The following BACE2 variants were observed in gnomAD, a reference collection of about 807,000 sequenced individuals.
BACE2 encodes 56 kDa aspartic-like protease.
BACE2 carries 17 observed loss-of-function variants against 46.2 expected under a neutral mutation model. That is an observed-to-expected ratio of 0.37 (90% CI 0.25 to 0.55). The LOEUF is 0.55. Ranked by LOEUF, BACE2 falls within the 20% of genes least tolerant of loss-of-function variation. The pLI, the probability that BACE2 is intolerant of heterozygous loss-of-function variation, is 0.82. For missense variants in BACE2, 595 were observed against 698.1 expected (o/e 0.85, Z 1.66); for synonymous variants, 277 against 295.9 (o/e 0.94, Z 0.66).
At chr21:41,243,270 C>A in intron 4 of BACE2, 106 bp from the exon 5 acceptor site, 1 of 909,004 alleles carries the variant, frequency 1.1e-6, no homozygotes, top group African/African-American at 1.8e-5. Context: ...AAGTAGAAGC[C>A]CTGATTGCAG....
At chr21:41,229,037 A>T (rs1308118123) in intron 2 of BACE2, among the ~76,000 whole-genome samples, 1 of 152,216 alleles carries the variant, frequency 6.6e-6, no homozygotes, top group Non-Finnish European at 1.5e-5. Context: ...TTCATTTTGC[A>T]TGACTGCCCT....
At chr21:41,200,121 A>G (rs552944376) in intron 1 of BACE2, among the ~76,000 whole-genome samples, 4 of 151,940 alleles carry the variant, frequency 2.6e-5, no homozygotes, top group East Asian at 1.9e-4. Flanking sequence ...GCACACCAAC[A>G]TGGCACATGT....
chr21:41,275,462 G>A lies in BACE2; in HGVS notation c.1395G>A (p.Glu465=), dbSNP rs2088475641. Residue 465 remains glutamate (E), a synonymous_variant, in exon 9 of 9, where the codon GAG becomes GAA. Coordinates refer to ENST00000330333, the MANE Select transcript of BACE2 (RefSeq NM_012105.5). ...GTGTCCCCGCTCAGTCTTTGAGCGAGCCCATTTTGTGGATTGTGTCCTATG... is the reference window on the plus strand; with the variant it reads ...GTGTCCCCGCTCAGTCTTTGAGCGAACCCATTTTGTGGATTGTGTCCTATG... ...SNCVPAQSLS[E]PILWIVSYAL... 1.9e-6 allele frequency: 3 copies of A among 1,614,180 alleles called. No individual in the cohort carries two copies. Among genetic ancestry groups the A allele is most frequent in the South Asian group, 2.2e-5 (2 of 91,084 alleles).
chr21:41,208,685 C>A (rs1324469806), intron 1 of BACE2, among the ~76,000 whole-genome samples: 1 of 152,080 alleles, frequency 6.6e-6, no homozygotes, highest in Non-Finnish European at 1.5e-5. Context: ...GGTATGAGGG[C>A]TCAGGGGCTG....
At chr21:41,168,884 T>C (rs1227949631) in intron 1 of BACE2, among the ~76,000 whole-genome samples, 1 of 151,984 alleles carries the variant, frequency 6.6e-6, no homozygotes, top group Non-Finnish European at 1.5e-5. Flanking sequence ...AATAACGTGA[T>C]TTCCTTCTTG....
intron 1 of BACE2, among the ~76,000 whole-genome samples, chr21:41,169,842 G>A (rs1337864227): frequency 6.6e-6 from 1 of 152,172 alleles, no homozygotes; most frequent in Non-Finnish European, 1.5e-5. Context: ...AGTGATCTTT[G>A]CCATCTCCAG....
chr21:41,236,679 T>C (rs960376288), intron 2 of BACE2: 1 of 152,270 alleles, frequency 6.6e-6, no homozygotes, highest in African/African-American at 2.4e-5. Flanking sequence ...GGCTTGGTCA[T>C]TATTTGTCAC....
chr21:41,176,327 C>T (rs892895884), intron 1 of BACE2: 4 of 152,184 alleles, frequency 2.6e-5, no homozygotes, highest in African/African-American at 9.7e-5. Context: ...GCTTCTTTCC[C>T]CAAACCAGCT....
At chr21:41,211,564 T>G (rs552557573) in intron 1 of BACE2, among the ~76,000 whole-genome samples, 2 of 152,366 alleles carry the variant, frequency 1.3e-5, no homozygotes, top group East Asian at 1.9e-4. Context: ...ACAGAATCAG[T>G]GCCTACAATC....
chr21:41,245,996 C>A lies in BACE2; in HGVS notation c.917C>A (p.Thr306Asn). ...NADKAIVDSG[T>N]TLLRLPQKVF... ...GACAAGGCCATCGTGGACAGTGGCA[C>A]CACGCTGCTGCGCCTGCCCCAGAAG... The change falls in exon 6 of 9, where the codon ACC (threonine) becomes AAC (asparagine). Residue 306 changes from threonine (T) to asparagine (N), a missense_variant. Around this residue, in one of 3 missense-constraint regions of BACE2, gnomAD observed 343 missense variants for 419.4 expected, o/e 0.82. Coordinates refer to ENST00000330333, the MANE Select transcript of BACE2 (RefSeq NM_012105.5). 1 of 1,611,284 alleles carries A rather than the reference C, an allele frequency of 6.2e-7. No homozygotes were observed. The highest frequency in any genetic ancestry group is 8.5e-7 in the Non-Finnish European group (1 of 1,178,864).
At chr21:41,241,087 C>T (rs527869665) in intron 3 of BACE2, among the ~76,000 whole-genome samples, 1 of 152,318 alleles carries the variant, frequency 6.6e-6, no homozygotes, top group South Asian at 2.1e-4. Context: ...ACCACCGGCA[C>T]CCCTGGCACA....
At chr21:41,240,935 C>T (rs765026421) in intron 3 of BACE2, among the ~76,000 whole-genome samples, 11 of 152,164 alleles carry the variant, frequency 7.2e-5, no homozygotes, top group Non-Finnish European at 1.3e-4. Context: ...CCATGGGCAC[C>T]CAGGGGATGC....
intron 1 of BACE2, chr21:41,183,806 G>T (rs1952202793): frequency 6.0e-6 from 1 of 167,036 alleles, no homozygotes; most frequent in African/African-American, 2.4e-5. Context: ...TGTTGTTATT[G>T]TTCTCTCTCA....
chr21:41,179,304 T>C, intron 1 of BACE2: 1 of 1,269,230 alleles, frequency 7.9e-7, no homozygotes, highest in East Asian at 5.4e-5. Context: ...ATTGAGGGTG[T>C]CAGGGTGAGT....
intron 1 of BACE2, among the ~76,000 whole-genome samples, chr21:41,222,962 T>C (rs1986701927): frequency 6.6e-6 from 1 of 152,156 alleles, no homozygotes; most frequent in Admixed American, 6.5e-5. Flanking sequence ...TGGGGGCAGC[T>C]GGAGCTCAAT....
chr21:41,211,451 G>A (rs996065795), intron 1 of BACE2, among the ~76,000 whole-genome samples: 4 of 152,338 alleles, frequency 2.6e-5, no homozygotes, highest in Middle Eastern at 3.4e-3. Context: ...ATTTTAGATT[G>A]TGGAGAAATG....
chr21:41,169,582 G>A (rs1984525130), intron 1 of BACE2, among the ~76,000 whole-genome samples: 2 of 151,616 alleles, frequency 1.3e-5, no homozygotes, highest in South Asian at 4.2e-4. Flanking sequence ...TTTTAACATT[G>A]TCATTTGGGT....
intron 8 of BACE2, among the ~76,000 whole-genome samples, chr21:41,264,575 G>C (rs1254115827): frequency 6.6e-6 from 1 of 152,082 alleles, no homozygotes; most frequent in Non-Finnish European, 1.5e-5. Flanking sequence ...CAGTCTTCAC[G>C]TGGCCAGAGC....
At chr21:41,247,746 C>A (rs186958452) in intron 6 of BACE2, among the ~76,000 whole-genome samples, 54 of 152,340 alleles carry the variant, frequency 3.5e-4, no homozygotes, top group African/African-American at 1.3e-3. Flanking sequence ...GAGATCACAA[C>A]ATTTGTTTGC....
Sources: allele counts gnomAD v4.1 joint callset (sites outside exome capture counted in the v4.1 genomes callset), GRCh38; gene constraint gnomAD v4.1.1; regional missense constraint gnomAD v4.1.1; transcripts MANE v1.5; gene names NCBI Gene and HGNC (gene_info 2026-07-23, HGNC 2026-07-21).